Variants in SRGAP2B observed in about 807,000 individuals in gnomAD.
SRGAP2B encodes SLIT-ROBO Rho GTPase activating protein 2B, also known as SLIT-ROBO Rho GTPase-activating protein 2B.
A neutral mutation model predicts 22.2 loss-of-function variants in SRGAP2B; 9 were observed. That is an observed-to-expected ratio of 0.41 (90% CI 0.24 to 0.71). The LOEUF is 0.71. Ranked by LOEUF, SRGAP2B falls within the 30% of genes least tolerant of loss-of-function variation. The pLI is 0.35. For synonymous variants in SRGAP2B, 36 were observed against 87.4 expected (o/e 0.41, Z 3.28); for missense variants, 114 against 235.8 (o/e 0.48, Z 3.38).
rs2919081 is a variant in SRGAP2B at position 144,931,419 on chromosome 1, G to A, written c.424-16665C>T. 1.9e-4 allele frequency among the ~76,000 whole-genome samples: 29 copies of A among 149,256 alleles called. 2 individuals carry two copies. Among genetic ancestry groups the A allele is most frequent in the Middle Eastern group, 3.5e-3 (1 of 286 alleles). On this transcript the variant is annotated intron_variant, in intron 4 of 9. Coordinates refer to ENST00000612199, the Ensembl canonical transcript of SRGAP2B. ...AGTAAGCACCTAATAATTACAGAGC[G>A]AAGATAGGGGGAAGAAAGGCCATAA...
At chr1:145,006,911 G>A (rs1413350559) in intron 2 of SRGAP2B, among the ~76,000 whole-genome samples, 3 of 150,920 alleles carry the variant, frequency 2.0e-5, no homozygotes, top group South Asian at 2.1e-4. Flanking sequence ...AGGATAGACC[G>A]CATTCAGAAA....
exon 10 of SRGAP2B, chr1:144,888,965 T>A (rs1389022635): frequency 1.4e-5 from 2 of 146,654 alleles, no homozygotes; most frequent in Admixed American, 1.3e-4. Flanking sequence ...ATCTTTCTTT[T>A]TTTTTTTTAG....
At chr1:145,006,021 C>T (rs1389706760) in intron 2 of SRGAP2B, among the ~76,000 whole-genome samples, 11 of 150,922 alleles carry the variant, frequency 7.3e-5, no homozygotes, top group Non-Finnish European at 1.0e-4. Context: ...CTGCCCAGTT[C>T]CTATTGCAAT....
chr1:145,084,053 G>C (rs1215090175), intron 2 of SRGAP2B, among the ~76,000 whole-genome samples: 1 of 136,872 alleles, frequency 7.3e-6, no homozygotes, highest in African/African-American at 2.8e-5. Context: ...AGAAAGGTGA[G>C]ATTTCTTTCT....
intron 3 of SRGAP2B, among the ~76,000 whole-genome samples, chr1:144,990,633 G>A (rs1453807982): frequency 5.7e-4 from 84 of 146,570 alleles, no homozygotes; most frequent in Non-Finnish European, 1.1e-3. Context: ...CCCTCAGCTT[G>A]CAGGGAGGTG....
At chr1:144,955,414 C>G in intron 4 of SRGAP2B, 25 bp downstream of exon 4, 3 of 1,597,918 alleles carry the variant, frequency 1.9e-6, no homozygotes, top group Non-Finnish European at 2.6e-6. Context: ...CACCCAAGAA[C>G]CTCTGTGAAG....
Position 144,909,121 on chromosome 1 carries a change from A to G in SRGAP2B, c.487-3047T>C, listed in dbSNP as rs1487280142. Among the ~76,000 whole-genome samples, 925 of 149,842 alleles carry G rather than the reference A, an allele frequency of 6.2e-3. 38 individuals are homozygous for G. Among genetic ancestry groups the G allele is most frequent in the African/African-American group, 0.022 (873 of 39,784 alleles). Reference sequence around the variant, plus strand: ...GGTATAAATTGAGAAAAACAAAAAGAATGGAAGCTGAAGCCGAAAAGCGGG... The same window carrying G: ...GGTATAAATTGAGAAAAACAAAAAGGATGGAAGCTGAAGCCGAAAAGCGGG... On this transcript the variant is annotated intron_variant, in intron 5 of 9. Coordinates refer to ENST00000612199, the Ensembl canonical transcript of SRGAP2B.
At chr1:144,911,977 G>T (rs1398216286) in intron 5 of SRGAP2B, among the ~76,000 whole-genome samples, 1 of 130,902 alleles carries the variant, frequency 7.6e-6, no homozygotes, top group Non-Finnish European at 1.6e-5. Flanking sequence ...TTGAGACAGA[G>T]TCTCGCTCTG....
Position 144,925,787 on chromosome 1 carries a change from GAAA to G in SRGAP2B, c.424-11036_424-11034del, listed in dbSNP as rs1570756643. 1.3e-4 allele frequency among the ~76,000 whole-genome samples: 14 copies of G among 105,724 alleles called. 1 individual carries two copies. Among genetic ancestry groups the G allele is most frequent in the South Asian group, 1.1e-3 (4 of 3,492 alleles). The allele number at this position is 105,724 out of a possible 152,430, so 69.4% of individuals were successfully genotyped here. ...AGAAAGAAAGAAAGAAAGAAAGAAA[GAAA>G]GAAAGGAGAGAGAAAGAAAGAAAGG... is the stretch of plus-strand genomic sequence containing the variant. On this transcript the variant is annotated intron_variant, in intron 4 of 9. Transcript: ENST00000612199.
Position 144,965,552 on chromosome 1 carries a change from G to C in SRGAP2B, c.261-9951C>G, listed in dbSNP as rs587673006. On this transcript the variant is annotated intron_variant, in intron 3 of 9. Coordinates refer to ENST00000612199, the Ensembl canonical transcript of SRGAP2B. ...TCAAAGATGGGGAAAAAACAGAACA[G>C]AAAAACTGGAAACTCTAAAACGCAG... Among the ~76,000 whole-genome samples, 2 of 143,876 alleles carry C rather than the reference G, an allele frequency of 1.4e-5. 1 individual carries two copies. The highest frequency in any genetic ancestry group is 5.7e-5 in the African/African-American group (2 of 34,832). 94.4% of individuals were successfully genotyped at this position (143,876 alleles called of 152,430 possible). A position where few individuals can be genotyped will look rare whatever the true frequency, so the allele number is the denominator to read the frequency against.
chr1:144,964,452 A>G (rs587769471), intron 3 of SRGAP2B, among the ~76,000 whole-genome samples: 1 of 150,572 alleles, frequency 6.6e-6, no homozygotes, highest in East Asian at 1.9e-4. Flanking sequence ...TTGTATGTCC[A>G]TTGGCTTGTG....
intron 3 of SRGAP2B, among the ~76,000 whole-genome samples, chr1:144,970,787 T>A (rs1173411924): frequency 2.7e-5 from 4 of 149,746 alleles, no homozygotes; most frequent in Admixed American, 6.6e-5. Context: ...TTTAAAAAAA[T>A]AAATAAATAA....
chr1:144,905,147 C>T, exon 7 of SRGAP2B: 1 of 770,036 alleles, frequency 1.3e-6, no homozygotes, highest in African/African-American at 1.7e-5. Flanking sequence ...GCATTGGTTG[C>T]CTCCAAAGCC....
chr1:145,047,039 G>T (rs1649865738), intron 2 of SRGAP2B, among the ~76,000 whole-genome samples: 1 of 143,310 alleles, frequency 7.0e-6, no homozygotes, highest in African/African-American at 2.8e-5. Flanking sequence ...AGCCAGGCAT[G>T]GTCGTGGGTG....
At chr1:145,030,390 AG>A (rs1389883280) in intron 2 of SRGAP2B, among the ~76,000 whole-genome samples, 2 of 148,274 alleles carry the variant, frequency 1.3e-5, no homozygotes, top group African/African-American at 5.2e-5. Flanking sequence ...AAAAAGGATG[AG>A]TTCAAGTCCT....
intron 5 of SRGAP2B, among the ~76,000 whole-genome samples, chr1:144,911,481 C>T (rs1663408472): frequency 6.7e-6 from 1 of 149,310 alleles, no homozygotes; most frequent in Admixed American, 6.7e-5. Context: ...TCAGCACTGA[C>T]AATTTCATGT....
At chr1:144,993,133 G>A (rs1324878342) in intron 3 of SRGAP2B, among the ~76,000 whole-genome samples, 1 of 151,128 alleles carries the variant, frequency 6.6e-6, no homozygotes, top group Non-Finnish European at 1.5e-5. Context: ...ACTCACTGGA[G>A]TGAATGTTCT....
intron 2 of SRGAP2B, among the ~76,000 whole-genome samples, chr1:145,090,174 C>T (rs1653848814): frequency 6.7e-6 from 1 of 148,470 alleles, no homozygotes. Flanking sequence ...ATAATTCTGA[C>T]CCAGGGCTTC....
intron 4 of SRGAP2B, among the ~76,000 whole-genome samples, chr1:144,934,403 CA>C (rs782588401): frequency 2.5e-3 from 100 of 40,682 alleles, no homozygotes; most frequent in East Asian, 0.013. Flanking sequence ...AACTCCATCT[CA>C]AAAAAAAAAA....
Sources: allele counts gnomAD v4.1 joint callset (sites outside exome capture counted in the v4.1 genomes callset), GRCh38; gene constraint gnomAD v4.1.1; transcripts MANE v1.5; gene names NCBI Gene and HGNC (gene_info 2026-07-23, HGNC 2026-07-21).